Variants in ADTRP observed in about 807,000 individuals in gnomAD.
ADTRP encodes androgen dependent TFPI regulating protein, also known as androgen-dependent TFPI-regulating protein.
ADTRP carries 20 observed loss-of-function variants against 27.0 expected under a neutral mutation model. That is an observed-to-expected ratio of 0.74 (90% CI 0.52 to 1.08). The LOEUF is 1.08. ADTRP is among the 50% of genes least tolerant of loss of function. The pLI is 0.00. For missense variants in ADTRP, 251 were observed against 275.0 expected (o/e 0.91, Z 0.62); for synonymous variants, 101 against 105.2 (o/e 0.96, Z 0.25).
intron 3 of ADTRP, among the ~76,000 whole-genome samples, chr6:11,742,989 A>G (rs996834581): frequency 6.6e-6 from 1 of 152,248 alleles, no homozygotes; most frequent in Non-Finnish European, 1.5e-5. Flanking sequence ...AAAAGAGTCA[A>G]TGCTAATGTT....
chr6:11,718,387 C>T (rs1338237909), intron 5 of ADTRP, among the ~76,000 whole-genome samples: 6 of 152,230 alleles, frequency 3.9e-5, no homozygotes. Flanking sequence ...GGATGATTTT[C>T]TCTTCCTGAG....
At chr6:11,758,747 TAAAG>T (rs1304028636) in intron 3 of ADTRP, among the ~76,000 whole-genome samples, 1 of 151,758 alleles carries the variant, frequency 6.6e-6, no homozygotes, top group Non-Finnish European at 1.5e-5. Context: ...TAAATAATAA[TAAAG>T]AAAGAAAGTG....
chr6:11,764,738 C>T (rs910702584), intron 3 of ADTRP, among the ~76,000 whole-genome samples: 9 of 151,994 alleles, frequency 5.9e-5, no homozygotes, highest in Admixed American at 2.6e-4. Context: ...AGTTCAGTGG[C>T]CTCAGGCACA....
chr6:11,770,083 A>G (rs1763718655), intron 1 of ADTRP: 1 of 1,550,078 alleles, frequency 6.5e-7, no homozygotes, highest in Non-Finnish European at 8.7e-7. Flanking sequence ...CCTGTTCTTG[A>G]GCTAGACTTC....
chr6:11,719,196 G>C (rs551958637), intron 5 of ADTRP, among the ~76,000 whole-genome samples: 66 of 152,282 alleles, frequency 4.3e-4, no homozygotes, highest in African/African-American at 1.5e-3. Context: ...AGATGTAATA[G>C]AGCCTTGTCC....
In ADTRP at chr6:11,713,948, A is replaced by G. The variant is rs904297330; in HGVS notation, c.*530T>C. ...CCATGAAAATAACTAGCTTACTGAA[A>G]TGCTTGTCTTTTAAAGAAAGTTGGG... is the stretch of plus-strand genomic sequence containing the variant. On this transcript the variant is annotated 3_prime_UTR_variant, in exon 6 of 6. Coordinates refer to ENST00000414691, the MANE Select transcript of ADTRP (RefSeq NM_032744.4). The G allele has an allele frequency of 6.6e-6, 1 of 150,742 alleles. No homozygotes were observed. The highest frequency in any genetic ancestry group is 2.4e-5 in the African/African-American group (1 of 41,150). The allele number at this position is 150,742 out of a possible 1,614,324, so 9.3% of individuals were successfully genotyped here.
At chr6:11,752,378 T>C (rs1229147333) in intron 3 of ADTRP, among the ~76,000 whole-genome samples, 1 of 152,178 alleles carries the variant, frequency 6.6e-6, no homozygotes, top group Non-Finnish European at 1.5e-5. Context: ...TTAAAGATCA[T>C]TGGCATGATT....
chr6:11,716,035 A>G (rs1761814175), intron 5 of ADTRP, among the ~76,000 whole-genome samples: 1 of 151,980 alleles, frequency 6.6e-6, no homozygotes, highest in Non-Finnish European at 1.5e-5. Context: ...CATTAGGTCT[A>G]TAAGTACAAG....
intron 1 of ADTRP, among the ~76,000 whole-genome samples, chr6:11,775,042 G>A (rs978668229): frequency 1.3e-5 from 2 of 152,164 alleles, no homozygotes; most frequent in Non-Finnish European, 2.9e-5. Flanking sequence ...TGGTGCCTGC[G>A]GGCAGCTACA....
intron 3 of ADTRP, among the ~76,000 whole-genome samples, chr6:11,748,496 T>C: frequency 6.6e-6 from 1 of 152,190 alleles, no homozygotes; most frequent in East Asian, 1.9e-4. Flanking sequence ...GTGCTAAGGA[T>C]CAGAAGGTGG....
chr6:11,760,553 T>C lies in ADTRP; in HGVS notation c.390+5721A>G, dbSNP rs537410057. Among the ~76,000 whole-genome samples, 9 of 152,320 alleles carry C rather than the reference T, an allele frequency of 5.9e-5. No homozygotes were observed. The South Asian group carries it at 1.9e-3, about 32-fold the overall frequency. ...TATTCCAAGACTTAGTCTCCTGGAA[T>C]ATCTTATCTAACCATAACTACCCCC... On this transcript the variant is annotated intron_variant, in intron 3 of 5. Coordinates refer to ENST00000414691, the MANE Select transcript of ADTRP (RefSeq NM_032744.4).
At chr6:11,737,168 T>C (rs995041486) in intron 3 of ADTRP, among the ~76,000 whole-genome samples, 3 of 152,132 alleles carry the variant, frequency 2.0e-5, no homozygotes. Context: ...ATTTATGAAG[T>C]CCTTCTGCCA....
chr6:11,722,114 A>G (rs958681526), intron 5 of ADTRP, among the ~76,000 whole-genome samples: 6 of 152,074 alleles, frequency 3.9e-5, no homozygotes, highest in South Asian at 2.1e-4. Context: ...ATATGTCAAC[A>G]CATCTGAAAT....
Position 11,768,282 on chromosome 6 carries a change from C to T in ADTRP, c.255G>A (p.Leu85=). ...DIKFLTAFRD[L]LFTTLAFPVS... is the part of the protein sequence containing the mutation. ...CAGGAAAAGCCAGAGTGGTGAAAAG[C>T]AGGTCTCTGAAGGCAGTTAGGAACT... The change falls in exon 2 of 6, where the codon CTG becomes CTA. Residue 85 remains leucine, a synonymous_variant. Coordinates refer to ENST00000414691, the MANE Select transcript of ADTRP (RefSeq NM_032744.4). 6.2e-7 allele frequency: 1 copy of T among 1,614,184 alleles called. No homozygotes were observed. Among genetic ancestry groups the T allele is most frequent in the Non-Finnish European group, 8.5e-7 (1 of 1,180,016 alleles).
intron 4 of ADTRP, among the ~76,000 whole-genome samples, chr6:11,734,282 T>A (rs1297909507): frequency 6.6e-6 from 1 of 152,248 alleles, no homozygotes. Flanking sequence ...CCACTGTCCA[T>A]TGTCATGCTA....
At chr6:11,746,251 A>T (rs749180124) in intron 3 of ADTRP, among the ~76,000 whole-genome samples, 1 of 152,256 alleles carries the variant, frequency 6.6e-6, no homozygotes, top group African/African-American at 2.4e-5. Context: ...GGGAGCCATC[A>T]GAGTATGGAC....
At position 11,724,062 on chromosome 6, in the gene ADTRP, AAAAC is replaced by A. The variant is rs34211710; in HGVS notation, c.507-566_507-563del. Among the ~76,000 whole-genome samples, 182 of 149,904 alleles carry A rather than the reference AAAAC, an allele frequency of 1.2e-3. 2 individuals carry two copies. The East Asian group carries it at 0.013, about 10-fold the overall frequency. ...GCAACAAGAGTGAAACTTTGTCTCA[AAAAC>A]AAACAAACAAACAAACAAACAAACA... On this transcript the variant is annotated intron_variant, in intron 4 of 5. Coordinates refer to ENST00000414691, the MANE Select transcript of ADTRP (RefSeq NM_032744.4).
chr6:11,731,200 A>T (rs914329359), intron 4 of ADTRP, among the ~76,000 whole-genome samples: 1 of 152,240 alleles, frequency 6.6e-6, no homozygotes, highest in Admixed American at 6.5e-5. Context: ...ATATCACTGG[A>T]ACTGTGAAAT....
At chr6:11,744,427 A>T (rs912006672) in intron 3 of ADTRP, among the ~76,000 whole-genome samples, 3 of 152,226 alleles carry the variant, frequency 2.0e-5, no homozygotes, top group Non-Finnish European at 4.4e-5. Context: ...GAAACAATCA[A>T]TGGGTGCCCA....
Sources: gnomAD v4.1 joint callset for allele counts (sites outside exome capture counted in the v4.1 genomes callset) on GRCh38, gnomAD v4.1.1 for gene constraint, MANE v1.5 for transcripts, NCBI Gene and HGNC (gene_info 2026-07-23, HGNC 2026-07-21) for gene names.